ZNF184: variants seen among roughly 807,000 people sequenced by gnomAD.
ZNF184 encodes zinc finger protein 184 (Kruppel-like).
A neutral mutation model predicts 54.4 loss-of-function variants in ZNF184; 16 were observed. That is an observed-to-expected ratio of 0.29 (90% CI 0.20 to 0.45). The LOEUF (loss-of-function observed/expected upper bound fraction) is 0.45. Ranked by LOEUF, ZNF184 falls within the 20% of genes least tolerant of loss-of-function variation. The pLI, the probability that ZNF184 is intolerant of heterozygous loss-of-function variation, is 1.00. For synonymous variants in ZNF184, 254 were observed against 295.3 expected, an observed-to-expected ratio of 0.86 and a Z score of 1.43; for missense variants, 681 against 888.2, an observed-to-expected ratio of 0.77 and a Z score of 2.97.
the ZNF184 span, among the ~76,000 whole-genome samples, chr6:27,421,198 T>G: frequency 2.6e-5 from 4 of 152,228 alleles, no homozygotes; most frequent in Non-Finnish European, 5.9e-5. Context: ...ATCTGCAGAA[T>G]GTACATCAAA....
At position 27,451,380 on chromosome 6, in the gene ZNF184, CAAA is replaced by C; in HGVS notation, c.2176_2178del (p.Phe726del). The C allele has an allele frequency of 6.2e-7, 1 of 1,614,080 alleles. No individual in the cohort carries two copies. Among genetic ancestry groups the C allele is most frequent in the Non-Finnish European group, 8.5e-7 (1 of 1,179,976 alleles). The stretch of plus-strand genomic sequence containing the variant: ...AAGGATTTTCCACAATCATTACATC[CAAA>C]AGGCTTCTCTCCTGAATGAATTCTC... On this transcript the variant is annotated inframe_deletion, in exon 6 of 6. Coordinates refer to ENST00000683788, the MANE Select transcript of ZNF184 (RefSeq NM_001318891.2).
At chr6:27,434,620 C>T in the ZNF184 span, among the ~76,000 whole-genome samples, 20 of 152,228 alleles carry the variant, frequency 1.3e-4, no homozygotes, top group African/African-American at 4.8e-4. Context: ...TGCCTTTTCA[C>T]CTTCTTAATA....
chr6:27,451,053 A>G lies in ZNF184; in HGVS notation c.*250T>C. The stretch of plus-strand genomic sequence containing the variant: ...TATAAAACTCCAAACTACCTTTGAA[A>G]TAATCTACTCCAAATCCTTCATTCC... On this transcript the variant is annotated 3_prime_UTR_variant, in exon 6 of 6. Coordinates refer to ENST00000683788, the MANE Select transcript of ZNF184 (RefSeq NM_001318891.2). 1 of 387,610 alleles carries G rather than the reference A, an allele frequency of 2.6e-6. No individual in the cohort carries two copies. Among genetic ancestry groups the G allele is most frequent in the Non-Finnish European group, 4.6e-6 (1 of 219,296 alleles). 24.0% of individuals were successfully genotyped at this position (387,610 alleles called of 1,614,324 possible).
intron 3 of ZNF184, among the ~76,000 whole-genome samples, chr6:27,462,470 T>C (rs1407259451): frequency 6.7e-6 from 1 of 149,552 alleles, no homozygotes; most frequent in Non-Finnish European, 1.5e-5. Flanking sequence ...AGTGCTGGGA[T>C]TACGGGTGTG....
intron 2 of ZNF184, among the ~76,000 whole-genome samples, chr6:27,470,035 G>C (rs1325994729): frequency 6.6e-6 from 1 of 152,210 alleles, no homozygotes; most frequent in Non-Finnish European, 1.5e-5. Context: ...ATCTCTTTGG[G>C]ATACCACCAT....
At position 27,452,304 on chromosome 6, in the gene ZNF184, C is replaced by G. The variant is rs866935240; in HGVS notation, c.1255G>C (p.Glu419Gln). The G allele has an allele frequency of 1.2e-5, 19 of 1,613,230 alleles. No homozygotes were observed. The highest frequency in any genetic ancestry group is 1.5e-5 in the Non-Finnish European group (18 of 1,179,784). The change falls in exon 6 of 6, where the codon GAA becomes CAA. Residue 419 changes from glutamate (E) to glutamine (Q), a missense_variant. Physicochemically the swap from Glu to Gln is conservative, Grantham distance 29. Coordinates refer to ENST00000683788, the MANE Select transcript of ZNF184 (RefSeq NM_001318891.2). This position sits in a 1 kb window ranked among gnomAD's most constrained non-coding sequence, Gnocchi z 5.5. ...HMIHTGEKPY[E>Q]CNECGKAFSQ... ...AAGGCTTTCCCACATTCATTGCATT[C>G]GTACGGTTTTTCACCAGTATGAATC... is the stretch of plus-strand genomic sequence containing the variant.
At position 27,457,446 on chromosome 6, in the gene ZNF184, A is replaced by G. The variant is rs144235614; in HGVS notation, c.76-37T>C. 29 of 1,608,582 alleles carry G rather than the reference A, an allele frequency of 1.8e-5. No homozygotes were observed. In the African/African-American group the frequency reaches 3.2e-4, roughly 18 times the overall value. ...AACATATTTCTGCTTAGCCATAAGCATTTACTTAGGAAAGGGGTAAAGTTA... is the reference window on the plus strand; with the variant it reads ...AACATATTTCTGCTTAGCCATAAGCGTTTACTTAGGAAAGGGGTAAAGTTA... On this transcript the variant is annotated intron_variant, in intron 3 of 5. Coordinates refer to ENST00000683788, the MANE Select transcript of ZNF184 (RefSeq NM_001318891.2).
At chr6:27,408,970 T>C in the ZNF184 span, among the ~76,000 whole-genome samples, 1 of 152,170 alleles carries the variant, frequency 6.6e-6, no homozygotes, top group Non-Finnish European at 1.5e-5. Flanking sequence ...AATTACCTCT[T>C]TTAGCCTGAA....
chr6:27,411,870 TC>T, the ZNF184 span, among the ~76,000 whole-genome samples: 1 of 152,214 alleles, frequency 6.6e-6, no homozygotes, highest in Non-Finnish European at 1.5e-5. Flanking sequence ...CCAGCCGCCC[TC>T]CCTCCTCACT....
chr6:27,457,292 C>A lies in ZNF184; in HGVS notation c.193G>T (p.Val65Phe). The A allele has an allele frequency of 1.2e-6, 2 of 1,613,970 alleles. No homozygotes were observed. The highest frequency in any genetic ancestry group is 1.7e-6 in the Non-Finnish European group (2 of 1,179,924). The change falls in exon 4 of 6, where the codon GTC (valine) becomes TTC (phenylalanine). Residue 65 changes from valine (V) to phenylalanine (F), a missense_variant. Transcript: ENST00000683788. ...DVTLENYTHL[V>F]SIGLQVSKPD... ...GAGAAATTATCCTTACCTATAGAGA[C>A]CAGGTGTGTATAATTTTCCAATGTC...
Position 27,452,982 on chromosome 6 carries a change from G to C in ZNF184, c.577C>G (p.Leu193Val). The C allele has an allele frequency of 6.2e-7, 1 of 1,614,108 alleles. No homozygotes were observed. The highest frequency in any genetic ancestry group is 1.3e-5 in the African/African-American group (1 of 75,032). The change falls in exon 6 of 6, where the codon CTT becomes GTT. Residue 193 changes from leucine to valine, a missense_variant. Physicochemically the swap from Leu to Val is conservative, Grantham distance 32 (BLOSUM62 1). Coordinates refer to ENST00000683788, the MANE Select transcript of ZNF184 (RefSeq NM_001318891.2). The surrounding 1 kb of genome is among the most constrained non-coding windows in gnomAD (Gnocchi z 5.5). ...FGKSVNVSSNLVTQEPSPEET... is the reference protein window; with the variant it reads ...FGKSVNVSSNVVTQEPSPEET... The stretch of plus-strand genomic sequence containing the variant: ...TCTGGAGATGGTTCTTGTGTTACAA[G>C]GTTTGAACTCACATTGACACTTTTC...
chr6:27,416,812 T>A, the ZNF184 span, among the ~76,000 whole-genome samples: 3 of 152,324 alleles, frequency 2.0e-5, no homozygotes, highest in East Asian at 5.8e-4. Flanking sequence ...AATTTTGTTA[T>A]GAATTTGTCT....
the ZNF184 span, among the ~76,000 whole-genome samples, chr6:27,433,952 T>TATCCTTCCTTCCTCTCCCTCCCTTCC: frequency 2.0e-5 from 1 of 49,210 alleles, no homozygotes; most frequent in African/African-American, 6.1e-5. Context: ...TCCTTCCTTC[T>TATCCTTCCTTCCTCTCCCTCCCTTCC]TTCCTTCCTT....
the ZNF184 span, among the ~76,000 whole-genome samples, chr6:27,442,181 C>T: frequency 6.6e-6 from 1 of 152,100 alleles, no homozygotes; most frequent in African/African-American, 2.4e-5. Context: ...TTCTCTACAG[C>T]CTGGATTCTG....
At chr6:27,463,116 G>A (rs1763040474) in intron 3 of ZNF184, among the ~76,000 whole-genome samples, 1 of 121,828 alleles carries the variant, frequency 8.2e-6, no homozygotes, top group East Asian at 2.5e-4. Context: ...CACACTCCGG[G>A]GACTGTTGTG....
At chr6:27,413,118 C>T in the ZNF184 span, among the ~76,000 whole-genome samples, 76,097 of 151,812 alleles carry the variant, frequency 0.5, 19,902 homozygotes, top group Middle Eastern at 0.72. Flanking sequence ...ATTAGCCAGG[C>T]GTGGTGGCAC....
rs1046881117 is a variant in ZNF184, at chr6:27,453,849, C to T, written c.299-589G>A. On this transcript the variant is annotated intron_variant, in intron 5 of 5. Transcript: ENST00000683788. The surrounding 1 kb of genome is among the most constrained non-coding windows in gnomAD (Gnocchi z 4.7). ...GAAATGGAGAGCTGGACTATAGTAGCGTTTGTGGAAGTGAAAGATGCCAAC... is the reference window on the plus strand; with the variant it reads ...GAAATGGAGAGCTGGACTATAGTAGTGTTTGTGGAAGTGAAAGATGCCAAC... 6.6e-6 allele frequency among the ~76,000 whole-genome samples: 1 copy of T among 152,012 alleles called. No homozygotes were observed.
chr6:27,420,477 A>G, the ZNF184 span, among the ~76,000 whole-genome samples: 3 of 152,146 alleles, frequency 2.0e-5, no homozygotes, highest in African/African-American at 7.2e-5. Flanking sequence ...CTGTCTCTCC[A>G]TGCCCAATGT....
At chr6:27,470,208 T>C (rs1322109876) in intron 2 of ZNF184, among the ~76,000 whole-genome samples, 2 of 152,114 alleles carry the variant, frequency 1.3e-5, no homozygotes, top group African/African-American at 2.4e-5. Context: ...AGATGGATTA[T>C]TGTATGTGAT....
Sources: allele counts gnomAD v4.1 joint callset (sites outside exome capture counted in the v4.1 genomes callset), GRCh38; gene constraint gnomAD v4.1.1; non-coding constraint Gnocchi (gnomAD v3.1); transcripts MANE v1.5; gene names NCBI Gene and HGNC (gene_info 2026-07-23, HGNC 2026-07-21).